SLC6A9: variants seen among roughly 807,000 people sequenced by gnomAD.
SLC6A9 encodes solute carrier family 6 member 9, also known as sodium- and chloride-dependent glycine transporter 1.
In SLC6A9, 31 loss-of-function variants were observed where a neutral mutation model predicts 70.9. The ratio of observed to expected loss-of-function variants is 0.44; its 90% CI spans 0.33 to 0.59. The LOEUF (loss-of-function observed/expected upper bound fraction) is 0.59. Ranked by LOEUF, SLC6A9 falls within the 20% of genes least tolerant of loss-of-function variation. SLC6A9 has a pLI of 0.04. For synonymous variants in SLC6A9, 310 were observed against 341.3 expected, an observed-to-expected ratio of 0.91 and a Z score of 1.01; for missense variants, 631 against 845.2, an observed-to-expected ratio of 0.75 and a Z score of 3.14.
chr1:44,011,505 G>C (rs2086567892), intron 2 of SLC6A9: 18 of 1,488,508 alleles, frequency 1.2e-5, no homozygotes, highest in Non-Finnish European at 1.6e-5. Flanking sequence ...TAGGTGGGAG[G>C]GTCCGGGGAG....
At chr1:44,015,355 C>A (rs72884236) in intron 2 of SLC6A9, among the ~76,000 whole-genome samples, 4,316 of 152,232 alleles carry the variant, frequency 0.028, 207 homozygotes, top group African/African-American at 0.099. Context: ...GAGCTTCCCC[C>A]TCCTGCTCTG....
rs908188623 is a variant in SLC6A9, at chr1:43,997,250, G to C, written c.*295C>G. On this transcript the variant is annotated 3_prime_UTR_variant, in exon 14 of 14. Coordinates refer to ENST00000372310, the MANE Select transcript of SLC6A9 (RefSeq NM_001024845.3). This position sits in a 1 kb window ranked among gnomAD's most constrained non-coding sequence, Gnocchi z 4.4. ...AGGGTATAAGGGTATCGGAGGCCACGTAAAGCCATCCAGGCTGCTGGGGAC... is the reference window on the plus strand; with the variant it reads ...AGGGTATAAGGGTATCGGAGGCCACCTAAAGCCATCCAGGCTGCTGGGGAC... The C allele has an allele frequency of 6.9e-6, 3 of 432,266 alleles. No homozygotes were observed. The Admixed American group carries it at 1.2e-4, about 18-fold the overall frequency. 26.8% of individuals were successfully genotyped at this position (432,266 alleles called of 1,614,324 possible).
chr1:44,008,712 T>TC (rs2086420962), intron 4 of SLC6A9, 89 bp from the exon 5 acceptor site: 4 of 864,364 alleles, frequency 4.6e-6, no homozygotes, highest in Non-Finnish European at 6.6e-6. Context: ...TTTCTTTTCT[T>TC]TTTTTTTTTT....
chr1:44,010,152 G>A, intron 3 of SLC6A9, 56 bp from the exon 4 acceptor site: 2 of 1,601,718 alleles, frequency 1.2e-6, no homozygotes, highest in Non-Finnish European at 8.5e-7. Context: ...TCTCACCCTG[G>A]GCTTCCTGCT....
Position 43,997,509 on chromosome 1 carries a change from G to A in SLC6A9, c.*36C>T, listed in dbSNP as rs773707664. 14 of 1,580,252 alleles carry A rather than the reference G, an allele frequency of 8.9e-6. No individual in the cohort carries two copies. The highest frequency in any genetic ancestry group is 1.7e-5 in the Admixed American group (1 of 58,132). ...TCACCAGTCTCTGCGGTGGGAGCAC[G>A]GGGTGGGGGTGGGGCCACTCCCCTG... On this transcript the variant is annotated 3_prime_UTR_variant, in exon 14 of 14. Coordinates refer to ENST00000372310, the MANE Select transcript of SLC6A9 (RefSeq NM_001024845.3). This position sits in a 1 kb window ranked among gnomAD's most constrained non-coding sequence, Gnocchi z 4.4.
intron 2 of SLC6A9, among the ~76,000 whole-genome samples, chr1:44,019,264 T>C (rs1345454448): frequency 6.6e-6 from 1 of 152,220 alleles, no homozygotes; most frequent in Non-Finnish European, 1.5e-5. Context: ...TGGTACAAGT[T>C]AACTTCCCAT....
chr1:44,026,732 A>G (rs1460118605), intron 1 of SLC6A9, among the ~76,000 whole-genome samples: 1 of 152,072 alleles, frequency 6.6e-6, no homozygotes, highest in African/African-American at 2.4e-5. Context: ...AGGTAAGTAA[A>G]CTGAGGACAC....
Position 44,001,186 on chromosome 1 carries a change from A to G in SLC6A9, c.1313T>C (p.Leu438Pro). 6.2e-7 allele frequency: 1 copy of G among 1,614,236 alleles called. No homozygotes were observed. The highest frequency in any genetic ancestry group is 1.1e-5 in the South Asian group (1 of 91,086). Residue 438 changes from leucine to proline, a missense_variant, in exon 10 of 14, where the codon CTG becomes CCG. By Grantham distance (98) the Leu-to-Pro change is moderately conservative. Transcript: ENST00000372310. ...TACCTGGCTGGTGAGGGGGATGCCC[A>G]GCAGGAAGCCAGCCACAGCCACGCC... ...TLGVAVAGFL[L>P]GIPLTSQAGI...
In SLC6A9 at chr1:44,017,203, G is replaced by A. The variant is rs200953544; in HGVS notation, c.31-6321C>T. The A allele has an allele frequency of 5.3e-5, 83 of 1,559,364 alleles. No homozygotes were observed. The South Asian group carries it at 5.8e-4, about 11-fold the overall frequency. ...CTCTCCCACTGCCGGGCTGGGCAGC[G>A]TCAATTACTTTCACCTCATCTCCTC... On this transcript the variant is annotated intron_variant, in intron 2 of 13. Coordinates refer to ENST00000372310, the MANE Select transcript of SLC6A9 (RefSeq NM_001024845.3).
At chr1:44,020,279 T>A (rs1411031926) in intron 2 of SLC6A9, among the ~76,000 whole-genome samples, 1 of 152,200 alleles carries the variant, frequency 6.6e-6, no homozygotes, top group Non-Finnish European at 1.5e-5. Context: ...CCGATGCTGA[T>A]CAGCAGAGTG....
Position 44,008,384 on chromosome 1 carries a change from G to T in SLC6A9, c.559C>A (p.Gln187Lys), listed in dbSNP as rs780434104. 3 of 1,614,134 alleles carry T rather than the reference G, an allele frequency of 1.9e-6. No homozygotes were observed. The South Asian group carries it at 3.3e-5, about 18-fold the overall frequency. ...NLSHLLNHSL[Q>K]RTSPSEEYWR... ...TACTCCTCGCTGGGGCTGGTCCTCT[G>T]GAGGCTGTGGTTGAGCAGGTGGGAG... The change falls in exon 5 of 14, where the codon CAG (glutamine) becomes AAG (lysine). Residue 187 changes from glutamine to lysine, a missense_variant. Gln to Lys is a moderately conservative substitution (Grantham distance 53). Transcript: ENST00000372310.
chr1:44,017,983 T>C (rs2086804587), intron 2 of SLC6A9, among the ~76,000 whole-genome samples: 1 of 152,146 alleles, frequency 6.6e-6, no homozygotes, highest in Non-Finnish European at 1.5e-5. Flanking sequence ...ACTACTGTAG[T>C]GGGATGCCAC....
Position 44,003,963 on chromosome 1 carries a change from A to G in SLC6A9, c.591-978T>C, listed in dbSNP as rs1424106713. Among the ~76,000 whole-genome samples the G allele has an allele frequency of 5.3e-5, 8 of 152,072 alleles. No homozygotes were observed. In the East Asian group the frequency reaches 9.7e-4, roughly 18 times the overall value. On this transcript the variant is annotated intron_variant, in intron 5 of 13. Coordinates refer to ENST00000372310, the MANE Select transcript of SLC6A9 (RefSeq NM_001024845.3). ...GAACAACTGCTCTACCTCCAGCACC[A>G]GCATTCAAAGTAAAGAAACCATTTC...
At chr1:44,029,639 A>T (rs1332379246) in intron 1 of SLC6A9, among the ~76,000 whole-genome samples, 1 of 152,120 alleles carries the variant, frequency 6.6e-6, no homozygotes, top group Non-Finnish European at 1.5e-5. Flanking sequence ...GTAGCAATTG[A>T]GGCATGCTTC....
At chr1:44,011,477 G>A (rs1036885167) in intron 2 of SLC6A9, 9 of 1,142,454 alleles carry the variant, frequency 7.9e-6, no homozygotes, top group Non-Finnish European at 1.0e-5. Flanking sequence ...CAGACATGGG[G>A]AGGGCATTCT....
Position 44,009,948 on chromosome 1 carries a change from C to T in SLC6A9, c.319+17G>A. On this transcript the variant is annotated intron_variant, in intron 4 of 13. Coordinates refer to ENST00000372310, the MANE Select transcript of SLC6A9 (RefSeq NM_001024845.3). ...GTGTTTGTGTATGTGTGAGCGAGTG[C>T]CCCGCCCAGGCCTCACCTTTGAACA... The T allele has an allele frequency of 1.2e-6, 2 of 1,612,344 alleles. No homozygotes were observed. Among genetic ancestry groups the T allele is most frequent in the Non-Finnish European group, 1.7e-6 (2 of 1,179,118 alleles).
rs137855830 is a variant in SLC6A9, at chr1:44,001,209, G to A, written c.1290C>T (p.Gly430=). 987 of 1,614,184 alleles carry A rather than the reference G, an allele frequency of 6.1e-4. 1 individual carries two copies. Among genetic ancestry groups the A allele is most frequent in the Admixed American group, 1.3e-3 (81 of 60,022 alleles). Residue 430 remains glycine, a synonymous_variant, in exon 10 of 14, where the codon GGC becomes GGT. Transcript: ENST00000372310. The part of the protein sequence containing the change: ...ILQKKTYVTL[G]VAVAGFLLGI... ...CCAGCAGGAAGCCAGCCACAGCCACGCCCAAGGTCACATAGGTCTTTTTCT... is the reference window on the plus strand; with the variant it reads ...CCAGCAGGAAGCCAGCCACAGCCACACCCAAGGTCACATAGGTCTTTTTCT...
rs766063101 is a variant in SLC6A9, at chr1:44,002,996, G to A, written c.591-11C>T. The A allele has an allele frequency of 1.2e-5, 19 of 1,613,942 alleles. No homozygotes were observed. The South Asian group carries it at 2.0e-4, about 17-fold the overall frequency. ...TTCAGCACGTACAGCCTGGGAAGGG[G>A]AGACTCTGTCACTGAGGGCCAGCCG... is the stretch of plus-strand genomic sequence containing the variant. On this transcript the variant is annotated splice_polypyrimidine_tract_variant and intron_variant, in intron 5 of 13. Transcript: ENST00000372310. The surrounding 1 kb of genome is among the most constrained non-coding windows in gnomAD (Gnocchi z 5.5).
At chr1:44,027,413 A>T (rs752575948) in intron 1 of SLC6A9, among the ~76,000 whole-genome samples, 9 of 152,158 alleles carry the variant, frequency 5.9e-5, no homozygotes, top group African/African-American at 9.7e-5. Flanking sequence ...CAAGCCCTCC[A>T]CATGTTCCTC....
Sources: gnomAD v4.1 joint callset for allele counts (sites outside exome capture counted in the v4.1 genomes callset) on GRCh38, gnomAD v4.1.1 for gene constraint, Gnocchi (gnomAD v3.1) non-coding constraint, MANE v1.5 for transcripts, NCBI Gene and HGNC (gene_info 2026-07-23, HGNC 2026-07-21) for gene names.